Variants in TEAD1 observed in about 807,000 individuals in gnomAD.
The protein encoded by TEAD1 is transcriptional enhancer factor TEF-1.
Under a neutral mutation model 54.9 loss-of-function variants are expected in TEAD1, and 9 were observed. The ratio of observed to expected loss-of-function variants is 0.16; its 90% CI spans 0.10 to 0.29. The LOEUF is 0.29. TEAD1 is among the 10% of genes least tolerant of loss of function. The pLI, the probability that TEAD1 is intolerant of heterozygous loss-of-function variation, is 1.00. For missense variants in TEAD1, 387 were observed against 535.9 expected, an observed-to-expected ratio of 0.72 and a Z score of 2.74; for synonymous variants, 200 against 187.8, an observed-to-expected ratio of 1.07 and a Z score of -0.53.
intron 2 of TEAD1, among the ~76,000 whole-genome samples, chr11:12,678,824 G>A (rs1943152216): frequency 6.6e-6 from 1 of 152,176 alleles, no homozygotes; most frequent in African/African-American, 2.4e-5. Flanking sequence ...GTCCATATTT[G>A]AATTTGGAAT....
chr11:12,788,098 GACC>G (rs1387134398), intron 3 of TEAD1, among the ~76,000 whole-genome samples: 4 of 150,946 alleles, frequency 2.6e-5, no homozygotes, highest in African/African-American at 9.8e-5. Context: ...GAGTAGCTGG[GACC>G]ACCACAGGCA....
chr11:12,936,589 G>T (rs1949103538), intron 12 of TEAD1, among the ~76,000 whole-genome samples: 1 of 152,176 alleles, frequency 6.6e-6, no homozygotes, highest in Non-Finnish European at 1.5e-5. Flanking sequence ...AGAAGTACGT[G>T]AAGTGCTTGG....
chr11:12,770,580 C>T (rs559932741), intron 3 of TEAD1, among the ~76,000 whole-genome samples: 1 of 152,216 alleles, frequency 6.6e-6, no homozygotes, highest in African/African-American at 2.4e-5. Flanking sequence ...GATTATTCCT[C>T]AAAAACAACC....
At chr11:12,886,208 C>T (rs1783584363) in intron 9 of TEAD1, among the ~76,000 whole-genome samples, 1 of 152,170 alleles carries the variant, frequency 6.6e-6, no homozygotes, top group Admixed American at 6.5e-5. Flanking sequence ...AGTCAAGGCC[C>T]ACTAAGTTGC....
At chr11:12,887,063 G>A (rs1948101862) in intron 9 of TEAD1, among the ~76,000 whole-genome samples, 1 of 147,816 alleles carries the variant, frequency 6.8e-6, no homozygotes, top group Non-Finnish European at 1.5e-5. Context: ...ATATGCAAAT[G>A]AATGTGGAAG....
At chr11:12,910,696 G>A (rs890102912) in intron 10 of TEAD1, among the ~76,000 whole-genome samples, 1 of 150,454 alleles carries the variant, frequency 6.6e-6, no homozygotes, top group Non-Finnish European at 1.5e-5. Flanking sequence ...AAATTCTTGG[G>A]ATTATGATCA....
intron 3 of TEAD1, among the ~76,000 whole-genome samples, chr11:12,769,647 C>G (rs986291577): frequency 6.6e-6 from 1 of 152,076 alleles, no homozygotes; most frequent in Non-Finnish European, 1.5e-5. Context: ...TGGAGGGTCT[C>G]CAGGCCTTGG....
chr11:12,689,707 G>A (rs556734769), intron 2 of TEAD1, among the ~76,000 whole-genome samples: 2 of 152,036 alleles, frequency 1.3e-5, no homozygotes, highest in African/African-American at 4.8e-5. Context: ...TCTTTGCTTT[G>A]GGAAAGTTTA....
intron 2 of TEAD1, among the ~76,000 whole-genome samples, chr11:12,680,313 A>C (rs1457847855): frequency 6.6e-6 from 1 of 152,262 alleles, no homozygotes; most frequent in Non-Finnish European, 1.5e-5. Flanking sequence ...ATTGTAAGAA[A>C]GAACAACTTA....
At chr11:12,797,402 CGGTT>C (rs1945955546) in intron 3 of TEAD1, among the ~76,000 whole-genome samples, 1 of 152,142 alleles carries the variant, frequency 6.6e-6, no homozygotes, top group African/African-American at 2.4e-5. Flanking sequence ...CTTTCACAGA[CGGTT>C]GGCACCCTAT....
At chr11:12,906,451 G>C (rs1359114769) in intron 10 of TEAD1, among the ~76,000 whole-genome samples, 1 of 151,606 alleles carries the variant, frequency 6.6e-6, no homozygotes, top group Non-Finnish European at 1.5e-5. Context: ...TGAGGCAGGA[G>C]AATGGCGTGA....
At chr11:12,747,362 G>A (rs753683910) in intron 2 of TEAD1, among the ~76,000 whole-genome samples, 1 of 151,984 alleles carries the variant, frequency 6.6e-6, no homozygotes, top group Non-Finnish European at 1.5e-5. Context: ...TTGAGACGAT[G>A]TCTTGCTATG....
chr11:12,919,854 C>T (rs562752161), intron 10 of TEAD1, among the ~76,000 whole-genome samples: 16 of 152,248 alleles, frequency 1.1e-4, no homozygotes, highest in Non-Finnish European at 2.4e-4. Context: ...TATAGAACAT[C>T]TATATGCTTC....
At chr11:12,766,127 A>G (rs903485065) in intron 3 of TEAD1, among the ~76,000 whole-genome samples, 13 of 152,216 alleles carry the variant, frequency 8.5e-5, no homozygotes, top group African/African-American at 2.9e-4. Flanking sequence ...AGAAATCCCA[A>G]TGGGGCATAA....
intron 10 of TEAD1, among the ~76,000 whole-genome samples, chr11:12,918,981 T>G (rs563606126): frequency 2.8e-4 from 42 of 152,314 alleles, no homozygotes; most frequent in African/African-American, 9.1e-4. Flanking sequence ...GTATAGATGA[T>G]TGTGCCTGGA....
chr11:12,687,199 T>A lies in TEAD1; in HGVS notation c.-55+11638T>A, dbSNP rs571378290. ...CTCTTGCCCCTCTAGCTGTTTTTTGTGCTGTGCTTTTGATTAAAGAGAGAA... is the reference window on the plus strand; with the variant it reads ...CTCTTGCCCCTCTAGCTGTTTTTTGAGCTGTGCTTTTGATTAAAGAGAGAA... On this transcript the variant is annotated intron_variant, in intron 2 of 12. Transcript: ENST00000527636. Among the ~76,000 whole-genome samples, 9 of 152,346 alleles carry A rather than the reference T, an allele frequency of 5.9e-5. No individual in the cohort carries two copies. In the South Asian group the frequency reaches 1.9e-3, roughly 32 times the overall value.
At chr11:12,697,591 T>C (rs1943612358) in intron 2 of TEAD1, among the ~76,000 whole-genome samples, 2 of 152,248 alleles carry the variant, frequency 1.3e-5, no homozygotes, top group Admixed American at 6.5e-5. Flanking sequence ...GAAGCCATTT[T>C]TACTTGAGGC....
At chr11:12,747,704 G>A (rs138351926) in intron 2 of TEAD1, among the ~76,000 whole-genome samples, 1 of 152,272 alleles carries the variant, frequency 6.6e-6, no homozygotes, top group Non-Finnish European at 1.5e-5. Flanking sequence ...TACTACCCAT[G>A]CTCATCTCTA....
Position 12,881,715 on chromosome 11 carries a change from C to T in TEAD1, c.513-181C>T, listed in dbSNP as rs545856434. Among the ~76,000 whole-genome samples, 9 of 152,270 alleles carry T rather than the reference C, an allele frequency of 5.9e-5. No individual in the cohort carries two copies. The South Asian group carries it at 1.5e-3, about 25-fold the overall frequency. ...ATGAGGCTTGGTGGTTTGATCCCTACCTGGCTGCTGGTCCCTCTCAGTTTA... is the reference window on the plus strand; with the variant it reads ...ATGAGGCTTGGTGGTTTGATCCCTATCTGGCTGCTGGTCCCTCTCAGTTTA... On this transcript the variant is annotated intron_variant, in intron 7 of 12. Coordinates refer to ENST00000527636, the MANE Select transcript of TEAD1 (RefSeq NM_021961.6).
Sources: allele counts gnomAD v4.1 joint callset (sites outside exome capture counted in the v4.1 genomes callset), GRCh38; gene constraint gnomAD v4.1.1; transcripts MANE v1.5; gene names NCBI Gene and HGNC (gene_info 2026-07-23, HGNC 2026-07-21).